RALGAPA1: variants seen among roughly 807,000 people sequenced by gnomAD.
RALGAPA1 encodes ral GTPase-activating protein subunit alpha-1.
In RALGAPA1, 52 loss-of-function variants were observed where a neutral mutation model predicts 269.6. The observed-to-expected ratio is 0.19, with a 90% CI of 0.15 to 0.24. RALGAPA1 has a LOEUF of 0.24. Among genes scored for constraint, RALGAPA1 ranks in the 10% least tolerant of loss-of-function variants. The probability of loss-of-function intolerance (pLI) is 1.00; values close to 1 mark genes in which losing one functional copy is unlikely to be tolerated. For missense variants in RALGAPA1, 1,917 were observed against 3,013.9 expected (o/e 0.64, Z 8.52); for synonymous variants, 817 against 1,008.3 (o/e 0.81, Z 3.60).
At chr14:35,707,452 T>C (rs2067908304) in intron 16 of RALGAPA1, 2 of 152,192 alleles carry the variant, frequency 1.3e-5, no homozygotes, top group African/African-American at 2.4e-5. Context: ...TATTTTTTAA[T>C]AGATTTATCA....
intron 12 of RALGAPA1, among the ~76,000 whole-genome samples, chr14:35,730,995 A>C (rs1367743570): frequency 5.9e-5 from 9 of 152,170 alleles, no homozygotes; most frequent in Non-Finnish European, 1.3e-4. Flanking sequence ...ACCTGCTGCC[A>C]CCTCCACTAG....
Position 35,595,682 on chromosome 14 carries a change from G to A in RALGAPA1, c.7161C>T (p.His2387=), listed in dbSNP as rs753205387. 3.7e-5 allele frequency: 59 copies of A among 1,612,320 alleles called. No individual in the cohort carries two copies. The highest frequency in any genetic ancestry group is 4.4e-5 in the Non-Finnish European group (52 of 1,178,996). Residue 2387 remains histidine (H), a synonymous_variant, in exon 37 of 42, where the codon CAC becomes CAT. Transcript: ENST00000680220. ...FATSTVEVIF[H]VSTRMPSDSD... ...AATCAGAAGGCATTCTTGTTGACAC[G>A]TGAAATATTACCTCTACTGTAGAGG... is the stretch of plus-strand genomic sequence containing the variant.
At chr14:35,663,176 G>A (rs887688183) in intron 27 of RALGAPA1, among the ~76,000 whole-genome samples, 1 of 152,006 alleles carries the variant, frequency 6.6e-6, no homozygotes, top group African/African-American at 2.4e-5. Context: ...AAAGGCATGA[G>A]CCACCATACC....
intron 16 of RALGAPA1, among the ~76,000 whole-genome samples, chr14:35,709,917 C>T (rs761536572): frequency 3.3e-5 from 5 of 152,060 alleles, no homozygotes; most frequent in Non-Finnish European, 5.9e-5. Context: ...GATTTCTATT[C>T]CTAAAAATGT....
intron 1 of RALGAPA1, among the ~76,000 whole-genome samples, chr14:35,792,817 G>GAAAGAGAA (rs2076282201): frequency 8.3e-6 from 1 of 119,774 alleles, no homozygotes; most frequent in South Asian, 2.8e-4. Flanking sequence ...AAGAAAGAAA[G>GAAAGAGAA]AGAAAGAAAG....
chr14:35,775,499 G>A (rs1043556854), intron 2 of RALGAPA1, 136 bp downstream of exon 2: 1 of 1,035,610 alleles, frequency 9.7e-7, no homozygotes, highest in African/African-American at 1.7e-5. Context: ...CTAGACCTAT[G>A]ATAGTAGTGT....
At position 35,750,723 on chromosome 14, in the gene RALGAPA1, A is replaced by G. The variant is rs73252331; in HGVS notation, c.803-33T>C. 5,201 of 1,506,630 alleles carry G rather than the reference A, an allele frequency of 3.5e-3. 150 individuals carry two copies. The African/African-American group carries it at 0.063, about 18-fold the overall frequency. The allele number at this position is 1,506,630 out of a possible 1,614,324, so 93.3% of individuals were successfully genotyped here. The stretch of plus-strand genomic sequence containing the variant: ...AAATAAAAGGAAGATGAAAACCAAA[A>G]TAAGAAAGAAATTATGTTTAGAAAA... On this transcript the variant is annotated intron_variant, in intron 8 of 41. Coordinates refer to ENST00000680220, the MANE Select transcript of RALGAPA1 (RefSeq NM_001346249.2).
At chr14:35,587,903 C>T (rs1295820079) in intron 37 of RALGAPA1, among the ~76,000 whole-genome samples, 2 of 152,066 alleles carry the variant, frequency 1.3e-5, no homozygotes, top group African/African-American at 2.4e-5. Context: ...AATCATTTAA[C>T]AACCCTTTTA....
chr14:35,570,587 G>A (rs1163883921), intron 39 of RALGAPA1, 30 bp downstream of exon 39: 2 of 1,569,486 alleles, frequency 1.3e-6, no homozygotes, highest in Admixed American at 3.8e-5. Context: ...ATACGTTAGA[G>A]TAGAAACCAT....
intron 33 of RALGAPA1, among the ~76,000 whole-genome samples, chr14:35,634,091 A>G (rs925025648): frequency 6.6e-6 from 1 of 152,142 alleles, no homozygotes; most frequent in African/African-American, 2.4e-5. Flanking sequence ...TATTCTATAT[A>G]AATTCCATTA....
intron 21 of RALGAPA1, among the ~76,000 whole-genome samples, chr14:35,681,924 T>C (rs1001973979): frequency 9.9e-5 from 15 of 152,242 alleles, no homozygotes; most frequent in African/African-American, 3.4e-4. Context: ...TGTATTTGAC[T>C]TCTTTCATTT....
In RALGAPA1 at chr14:35,688,456, C is replaced by T; in HGVS notation, c.3952+3G>A. 6.5e-7 allele frequency: 1 copy of T among 1,536,112 alleles called. No individual in the cohort carries two copies. The highest frequency in any genetic ancestry group is 1.7e-4 in the Middle Eastern group (1 of 5,990). ...TTGCGCTCTGCACACTGTTAGTGCT[C>T]ACCTGCAGCTTTCCTTCCAAAATAG... On this transcript the variant is annotated splice_donor_region_variant and intron_variant, in intron 18 of 41. Coordinates refer to ENST00000680220, the MANE Select transcript of RALGAPA1 (RefSeq NM_001346249.2).
At chr14:35,693,512 A>G (rs981126801) in intron 17 of RALGAPA1, among the ~76,000 whole-genome samples, 2 of 151,904 alleles carry the variant, frequency 1.3e-5, no homozygotes, top group African/African-American at 4.8e-5. Context: ...AGGGAAACCA[A>G]CTGTGTCCTC....
intron 6 of RALGAPA1, among the ~76,000 whole-genome samples, chr14:35,760,248 T>C (rs573918991): frequency 1.3e-5 from 2 of 152,172 alleles, no homozygotes; most frequent in Admixed American, 6.5e-5. Flanking sequence ...AGAGTGAATA[T>C]GTCCTTCCCA....
chr14:35,641,422 T>C (rs2062023090), intron 31 of RALGAPA1, among the ~76,000 whole-genome samples: 1 of 152,154 alleles, frequency 6.6e-6, no homozygotes, highest in Non-Finnish European at 1.5e-5. Context: ...AAAATCAACA[T>C]ACAAAAATTA....
chr14:35,677,050 T>C (rs1481090937), intron 22 of RALGAPA1: 1 of 152,128 alleles, frequency 6.6e-6, no homozygotes, highest in Non-Finnish European at 1.5e-5. Flanking sequence ...AGTTAACGAA[T>C]GGGTCCCTTG....
chr14:35,780,383 C>T (rs2075348778), intron 1 of RALGAPA1, among the ~76,000 whole-genome samples: 1 of 152,162 alleles, frequency 6.6e-6, no homozygotes, highest in Non-Finnish European at 1.5e-5. Flanking sequence ...ATCTAACAGA[C>T]ATCTATCGAA....
chr14:35,715,777 T>C (rs554735144), intron 16 of RALGAPA1: 73 of 985,390 alleles, frequency 7.4e-5, no homozygotes, highest in African/African-American at 2.6e-4. Flanking sequence ...TCATCCAACC[T>C]TGAAGCTTGC....
At chr14:35,753,712 G>A (rs1429704160) in intron 7 of RALGAPA1, among the ~76,000 whole-genome samples, 1 of 152,142 alleles carries the variant, frequency 6.6e-6, no homozygotes, top group African/African-American at 2.4e-5. Flanking sequence ...TAAGAGGACT[G>A]ACTCCTAATG....
Sources: allele counts gnomAD v4.1 joint callset (sites outside exome capture counted in the v4.1 genomes callset), GRCh38; gene constraint gnomAD v4.1.1; transcripts MANE v1.5; gene names NCBI Gene and HGNC (gene_info 2026-07-23, HGNC 2026-07-21).